Variants in DPP10 observed in about 807,000 individuals in gnomAD.
DPP10 encodes the protein dipeptidyl peptidase like 10.
A neutral mutation model predicts 120.9 loss-of-function variants in DPP10; 33 were observed. The ratio of observed to expected loss-of-function variants is 0.27; its 90% CI spans 0.21 to 0.37. DPP10 has a LOEUF of 0.37. Ranked by LOEUF, DPP10 falls within the 10% of genes least tolerant of loss-of-function variation. The probability of loss-of-function intolerance (pLI) is 1.00; values close to 1 mark genes in which losing one functional copy is unlikely to be tolerated. For missense variants in DPP10, 816 were observed against 942.8 expected (o/e 0.87, Z 1.76); for synonymous variants, 337 against 326.1 (o/e 1.03, Z -0.36).
At chr2:114,593,909 G>A (rs936672638) in intron 1 of DPP10, among the ~76,000 whole-genome samples, 13 of 152,106 alleles carry the variant, frequency 8.5e-5, no homozygotes, top group East Asian at 3.9e-4. Context: ...TGTTTGCTGC[G>A]GTTGTGATCT....
At chr2:115,156,764 C>G (rs1007216173) in intron 1 of DPP10, among the ~76,000 whole-genome samples, 5 of 152,190 alleles carry the variant, frequency 3.3e-5, no homozygotes, top group Non-Finnish European at 5.9e-5. Context: ...TTATTCATCA[C>G]AGGCAGACAT....
intron 7 of DPP10, 88 bp downstream of exon 7, chr2:115,690,009 A>C: frequency 7.5e-7 from 1 of 1,334,234 alleles, no homozygotes; most frequent in South Asian, 1.3e-5. Flanking sequence ...ACCATAGGAA[A>C]ACTTGTCCTA....
intron 1 of DPP10, among the ~76,000 whole-genome samples, chr2:114,568,030 A>AG (rs1387914233): frequency 4.2e-4 from 62 of 148,636 alleles, no homozygotes; most frequent in Admixed American, 1.3e-3. Context: ...ATTAAAAAAA[A>AG]AGAGAGAGAG....
At chr2:115,147,028 T>C (rs969752563) in intron 1 of DPP10, among the ~76,000 whole-genome samples, 1 of 152,198 alleles carries the variant, frequency 6.6e-6, no homozygotes, top group South Asian at 2.1e-4. Context: ...GCTAGGTAAA[T>C]TGAACAAAGA....
chr2:115,537,819 A>G (rs1343332178), intron 5 of DPP10, among the ~76,000 whole-genome samples: 4 of 151,914 alleles, frequency 2.6e-5, no homozygotes, highest in Non-Finnish European at 5.9e-5. Flanking sequence ...TTGATGCCAG[A>G]TGTGGGGGCT....
intron 1 of DPP10, among the ~76,000 whole-genome samples, chr2:115,265,223 A>G (rs1170517884): frequency 6.6e-6 from 1 of 151,308 alleles, no homozygotes; most frequent in Non-Finnish European, 1.5e-5. Flanking sequence ...ATATGTACAC[A>G]TCGATGTTCC....
chr2:115,120,944 G>A (rs1372260797), intron 1 of DPP10, among the ~76,000 whole-genome samples: 1 of 152,174 alleles, frequency 6.6e-6, no homozygotes, highest in East Asian at 1.9e-4. Context: ...TTATGTTGCT[G>A]TGCAAGTACT....
chr2:115,313,177 C>T (rs373754194), intron 2 of DPP10, among the ~76,000 whole-genome samples: 2 of 152,054 alleles, frequency 1.3e-5, no homozygotes, highest in Admixed American at 6.6e-5. Context: ...GAGCCCAGAT[C>T]GCACCACTGC....
At chr2:115,797,123 C>T (rs1684627627) in intron 19 of DPP10, among the ~76,000 whole-genome samples, 1 of 152,018 alleles carries the variant, frequency 6.6e-6, no homozygotes. Context: ...ACATTTTCCA[C>T]ATGTACTATG....
At chr2:114,690,571 C>A (rs866732555) in intron 1 of DPP10, among the ~76,000 whole-genome samples, 4 of 151,904 alleles carry the variant, frequency 2.6e-5, no homozygotes, top group African/African-American at 9.7e-5. Context: ...TATTTGGGAT[C>A]TTTTTGGTTC....
At chr2:115,597,717 G>C (rs906496891) in intron 5 of DPP10, among the ~76,000 whole-genome samples, 6 of 151,850 alleles carry the variant, frequency 4.0e-5, no homozygotes, top group African/African-American at 1.5e-4. Context: ...TCTTATTACT[G>C]GATTTCAGCT....
intron 1 of DPP10, among the ~76,000 whole-genome samples, chr2:114,500,577 G>C (rs531992414): frequency 1.3e-5 from 2 of 152,098 alleles, no homozygotes; most frequent in South Asian, 2.1e-4. Flanking sequence ...TAAAAACCAA[G>C]ACCTGTCTAT....
chr2:114,813,493 T>C (rs991140707), intron 1 of DPP10, among the ~76,000 whole-genome samples: 9 of 152,196 alleles, frequency 5.9e-5, no homozygotes, highest in African/African-American at 1.9e-4. Flanking sequence ...AGTCTTTAGT[T>C]CCTTCTCAAC....
At chr2:115,808,610 T>G (rs1356532854) in intron 19 of DPP10, among the ~76,000 whole-genome samples, 1 of 152,206 alleles carries the variant, frequency 6.6e-6, no homozygotes, top group East Asian at 1.9e-4. Flanking sequence ...AACGTAGGCA[T>G]AAGTGTCTAA....
At chr2:114,789,818 T>C (rs561941704) in intron 1 of DPP10, among the ~76,000 whole-genome samples, 2 of 152,302 alleles carry the variant, frequency 1.3e-5, no homozygotes, top group African/African-American at 4.8e-5. Context: ...TCCCAATTCC[T>C]TGTGACACAG....
At chr2:114,527,825 C>T (rs1307873609) in intron 1 of DPP10, among the ~76,000 whole-genome samples, 1 of 152,128 alleles carries the variant, frequency 6.6e-6, no homozygotes, top group African/African-American at 2.4e-5. Flanking sequence ...CAGCATGTTA[C>T]TGTACTGAAT....
At chr2:114,580,276 A>G (rs1439574047) in intron 1 of DPP10, among the ~76,000 whole-genome samples, 1 of 152,218 alleles carries the variant, frequency 6.6e-6, no homozygotes, top group African/African-American at 2.4e-5. Flanking sequence ...ATTCTGCTCC[A>G]TACAAGGTAG....
At chr2:115,483,479 C>CTATCTGTATG (rs3980957) in intron 3 of DPP10, among the ~76,000 whole-genome samples, 21,720 of 143,790 alleles carry the variant, frequency 0.15, 1,719 homozygotes, top group South Asian at 0.19. Flanking sequence ...ATCTATCTAT[C>CTATCTGTATG]TGTATGTGTA....
chr2:115,299,450 A>G lies in DPP10; in HGVS notation c.61-9789A>G, dbSNP rs568479315. On this transcript the variant is annotated intron_variant, in intron 1 of 25. Transcript: ENST00000410059. ...GAATGCTGATAAGAAATACTGTAAG[A>G]TGATGGAAGAATTGGCTGTCTAACT... is the stretch of plus-strand genomic sequence containing the variant. Among the ~76,000 whole-genome samples, 182 of 152,162 alleles carry G rather than the reference A, an allele frequency of 1.2e-3. 6 individuals carry two copies. In the South Asian group the frequency reaches 0.03, roughly 25 times the overall value.
Sources: allele counts gnomAD v4.1 joint callset (sites outside exome capture counted in the v4.1 genomes callset), GRCh38; gene constraint gnomAD v4.1.1; transcripts MANE v1.5; gene names NCBI Gene and HGNC (gene_info 2026-07-23, HGNC 2026-07-21).